Variants in TOX2 observed in about 807,000 individuals in gnomAD.
TOX2 encodes TOX high mobility group box family member 2, also known as granulosa cell HMG box 1.
A neutral mutation model predicts 47.4 loss-of-function variants in TOX2; 15 were observed. That is an observed-to-expected ratio of 0.32 (90% CI 0.21 to 0.49). TOX2 has a LOEUF of 0.49. Ranked by LOEUF, TOX2 falls within the 20% of genes least tolerant of loss-of-function variation. The pLI is 0.99. For synonymous variants in TOX2, 290 were observed against 296.6 expected (o/e 0.98, Z 0.23); for missense variants, 622 against 673.1 (o/e 0.92, Z 0.84).
At chr20:43,933,229 A>C (rs1341136780) in intron 1 of TOX2, among the ~76,000 whole-genome samples, 1 of 152,210 alleles carries the variant, frequency 6.6e-6, no homozygotes, top group African/African-American at 2.4e-5. Flanking sequence ...CAACATGTGA[A>C]CTTTGGGGGG....
chr20:43,938,818 T>G (rs1190011614), intron 1 of TOX2, among the ~76,000 whole-genome samples: 1 of 152,198 alleles, frequency 6.6e-6, no homozygotes, highest in Non-Finnish European at 1.5e-5. Flanking sequence ...GTGACTGGTC[T>G]GTGACGCCTG....
intron 5 of TOX2, among the ~76,000 whole-genome samples, chr20:44,059,307 C>T (rs182779417): frequency 5.8e-4 from 88 of 152,218 alleles, no homozygotes; most frequent in African/African-American, 2.0e-3. Context: ...CAAATTAACC[C>T]AATTCAACAG....
At chr20:43,965,831 C>A (rs536792010) in intron 1 of TOX2, among the ~76,000 whole-genome samples, 1 of 152,068 alleles carries the variant, frequency 6.6e-6, no homozygotes, top group Non-Finnish European at 1.5e-5. Flanking sequence ...GAGAGAGATA[C>A]CTTTTCAGAC....
chr20:44,064,212 T>A (rs931466590), intron 5 of TOX2, among the ~76,000 whole-genome samples: 1 of 152,218 alleles, frequency 6.6e-6, no homozygotes, highest in African/African-American at 2.4e-5. Flanking sequence ...TTTGTGCTTG[T>A]CTTATTGGCC....
At chr20:43,996,777 T>C (rs1194819215) in intron 2 of TOX2, among the ~76,000 whole-genome samples, 1 of 147,888 alleles carries the variant, frequency 6.8e-6, no homozygotes, top group Non-Finnish European at 1.5e-5. Context: ...TAGTAGGCAG[T>C]TTGGATAAAT....
At chr20:43,953,876 C>G (rs1024177297) in intron 1 of TOX2, among the ~76,000 whole-genome samples, 3 of 152,264 alleles carry the variant, frequency 2.0e-5, no homozygotes, top group African/African-American at 7.2e-5. Flanking sequence ...TCTTTGTCCT[C>G]CCATCTTCTG....
intron 8 of TOX2, 151 bp downstream of exon 8, chr20:44,067,008 G>A (rs2071835861): frequency 8.3e-7 from 1 of 1,204,030 alleles, no homozygotes; most frequent in Admixed American, 2.8e-5. Flanking sequence ...TATCTCAGAT[G>A]ACACCGCAGA....
intron 3 of TOX2, among the ~76,000 whole-genome samples, chr20:44,017,784 C>T (rs1328127132): frequency 6.6e-6 from 1 of 152,160 alleles, no homozygotes; most frequent in Admixed American, 6.5e-5. Context: ...AAAACAGAGG[C>T]ACAGAGGGGT....
At chr20:43,941,394 G>A (rs1237466123) in intron 1 of TOX2, among the ~76,000 whole-genome samples, 4 of 151,198 alleles carry the variant, frequency 2.6e-5, no homozygotes, top group East Asian at 1.9e-4. Context: ...GTACAATGGC[G>A]CGATCTCGGC....
At chr20:44,049,348 T>C (rs997073268) in intron 3 of TOX2, among the ~76,000 whole-genome samples, 2 of 152,230 alleles carry the variant, frequency 1.3e-5, no homozygotes, top group Non-Finnish European at 2.9e-5. Flanking sequence ...TTAATCATAT[T>C]TGGGTCTCAA....
rs1286512845 is a variant in TOX2, at chr20:43,916,423, A to G, written c.99+1433A>G. Among the ~76,000 whole-genome samples the G allele has an allele frequency of 6.6e-6, 1 of 152,166 alleles. No individual in the cohort carries two copies. The highest frequency in any genetic ancestry group is 1.5e-5 in the Non-Finnish European group (1 of 68,022). ...CTCCCTGCAGTTCGCCAGGGGCAGCAAGCATCCAGGCCACTAGGGCCTGCG... is the reference window on the plus strand; with the variant it reads ...CTCCCTGCAGTTCGCCAGGGGCAGCGAGCATCCAGGCCACTAGGGCCTGCG... On this transcript the variant is annotated intron_variant, in intron 1 of 8. Transcript: ENST00000341197. The surrounding 1 kb of genome is among the most constrained non-coding windows in gnomAD (Gnocchi z 5.0).
At chr20:43,933,868 C>T (rs796938262) in intron 1 of TOX2, among the ~76,000 whole-genome samples, 39 of 152,196 alleles carry the variant, frequency 2.6e-4, no homozygotes, top group African/African-American at 9.2e-4. Context: ...GGGTGGAACT[C>T]GTGGTCATCC....
Position 43,916,881 on chromosome 20 carries a change from C to T in TOX2, c.99+1891C>T, listed in dbSNP as rs1349281390. Among the ~76,000 whole-genome samples the T allele has an allele frequency of 6.6e-6, 1 of 152,116 alleles. No homozygotes were observed. Among genetic ancestry groups the T allele is most frequent in the Admixed American group, 6.5e-5 (1 of 15,284 alleles). On this transcript the variant is annotated intron_variant, in intron 1 of 8. Coordinates refer to ENST00000341197, the MANE Select transcript of TOX2 (RefSeq NM_001098797.2). The surrounding 1 kb of genome is among the most constrained non-coding windows in gnomAD (Gnocchi z 5.0). ...GGGGCCTTTGGAGGCAGGACTCAGC[C>T]GAGGCCCCTGCTTTATTCTGATGCT...
At chr20:44,024,994 G>C (rs1187212906) in intron 3 of TOX2, among the ~76,000 whole-genome samples, 1 of 152,074 alleles carries the variant, frequency 6.6e-6, no homozygotes, top group Non-Finnish European at 1.5e-5. Flanking sequence ...CATAATTACA[G>C]GTCTTGCTCT....
At chr20:43,956,508 C>A (rs1457716270) in intron 1 of TOX2, among the ~76,000 whole-genome samples, 4 of 147,514 alleles carry the variant, frequency 2.7e-5, no homozygotes, top group Non-Finnish European at 4.4e-5. Context: ...TTGCAGTGAG[C>A]TGAGATCATG....
At chr20:43,967,355 C>A (rs2069874820) in intron 1 of TOX2, among the ~76,000 whole-genome samples, 1 of 152,106 alleles carries the variant, frequency 6.6e-6, no homozygotes, top group African/African-American at 2.4e-5. Context: ...GATGTTGCAA[C>A]CGTGAGTAGC....
At chr20:44,050,580 G>C (rs1266503623) in intron 3 of TOX2, among the ~76,000 whole-genome samples, 1 of 152,196 alleles carries the variant, frequency 6.6e-6, no homozygotes, top group African/African-American at 2.4e-5. Flanking sequence ...TGTGAAAAAT[G>C]CTTATATGTA....
intron 1 of TOX2, among the ~76,000 whole-genome samples, chr20:43,924,062 A>G (rs1235783177): frequency 1.3e-5 from 2 of 152,184 alleles, no homozygotes; most frequent in African/African-American, 4.8e-5. Flanking sequence ...GAAGGAGTTC[A>G]CTGCAGTAGA....
At chr20:43,943,416 G>A (rs1345865292) in intron 1 of TOX2, among the ~76,000 whole-genome samples, 1 of 152,156 alleles carries the variant, frequency 6.6e-6, no homozygotes, top group African/African-American at 2.4e-5. Context: ...CCTTATCTGT[G>A]TACTCAAACT....
Sources: allele counts gnomAD v4.1 joint callset (sites outside exome capture counted in the v4.1 genomes callset), GRCh38; gene constraint gnomAD v4.1.1; non-coding constraint Gnocchi (gnomAD v3.1); transcripts MANE v1.5; gene names NCBI Gene and HGNC (gene_info 2026-07-23, HGNC 2026-07-21).